The following GPC5 variants were observed in gnomAD, a reference collection of about 807,000 sequenced individuals.
GPC5 encodes the protein glypican 5.
In GPC5, 47 loss-of-function variants were observed where a neutral mutation model predicts 53.9. The ratio of observed to expected loss-of-function variants is 0.87; its 90% CI spans 0.69 to 1.11. The LOEUF is 1.11. Ranked by LOEUF, GPC5 falls within the 50% of genes most tolerant of loss-of-function variation. GPC5 has a pLI of 0.00. For missense variants in GPC5, 748 were observed against 713.1 expected (o/e 1.05, Z -0.56); for synonymous variants, 286 against 263.3 (o/e 1.09, Z -0.84).
intron 5 of GPC5, among the ~76,000 whole-genome samples, chr13:91,784,999 G>A (rs1429189906): frequency 6.6e-6 from 1 of 152,140 alleles, no homozygotes; most frequent in African/African-American, 2.4e-5. Flanking sequence ...TCTAGCAGCA[G>A]CATTTGACAC....
intron 6 of GPC5, among the ~76,000 whole-genome samples, chr13:91,981,347 T>C (rs914210296): frequency 7.3e-5 from 11 of 151,388 alleles, no homozygotes; most frequent in Non-Finnish European, 1.5e-4. Flanking sequence ...TGGAGTGCAG[T>C]GGCGCGATCT....
At chr13:92,798,892 C>A (rs1384780961) in intron 7 of GPC5, among the ~76,000 whole-genome samples, 1 of 151,850 alleles carries the variant, frequency 6.6e-6, no homozygotes, top group Non-Finnish European at 1.5e-5. Context: ...TGATTTGCAA[C>A]AATTGTTCTA....
At chr13:92,452,631 G>C (rs948279280) in intron 7 of GPC5, among the ~76,000 whole-genome samples, 1 of 151,852 alleles carries the variant, frequency 6.6e-6, no homozygotes, top group African/African-American at 2.4e-5. Context: ...GCAGTGGCGC[G>C]ATCTCAGCTC....
chr13:92,488,554 A>T (rs1179243122), intron 7 of GPC5, among the ~76,000 whole-genome samples: 1 of 152,176 alleles, frequency 6.6e-6, no homozygotes, highest in Non-Finnish European at 1.5e-5. Flanking sequence ...AAAGGAAGAC[A>T]TATTTAAGTA....
chr13:91,780,353 C>G (rs1055218215), intron 5 of GPC5, among the ~76,000 whole-genome samples: 1 of 152,134 alleles, frequency 6.6e-6, no homozygotes, highest in African/African-American at 2.4e-5. Context: ...TAGCACCTAC[C>G]TTACAAGAAC....
chr13:91,941,494 G>A (rs1205048893), intron 6 of GPC5, among the ~76,000 whole-genome samples: 22 of 152,044 alleles, frequency 1.4e-4, no homozygotes, highest in Non-Finnish European at 2.9e-4. Context: ...TTAGTTCCTA[G>A]GAACTCTCTC....
intron 7 of GPC5, among the ~76,000 whole-genome samples, chr13:92,640,835 T>C (rs1306755396): frequency 6.6e-6 from 1 of 152,012 alleles, no homozygotes; most frequent in Non-Finnish European, 1.5e-5. Flanking sequence ...AGTAGGATGA[T>C]TAAATGAAGT....
At position 92,866,579 on chromosome 13, in the gene GPC5, G is replaced by A. The variant is rs2138860491; in HGVS notation, c.*140G>A. ...GTTACACTAACTTCTCAGAAGCCAA[G>A]CTGAAATATTCATAAAGTCCCTAAA... On this transcript the variant is annotated 3_prime_UTR_variant, in exon 8 of 8. Transcript: ENST00000377067. 3.1e-6 allele frequency: 2 copies of A among 640,508 alleles called. No individual in the cohort carries two copies. The highest frequency in any genetic ancestry group is 3.9e-5 in the South Asian group (1 of 25,768). 39.7% of individuals were successfully genotyped at this position (640,508 alleles called of 1,614,324 possible).
At chr13:92,328,904 C>A (rs750868368) in intron 7 of GPC5, among the ~76,000 whole-genome samples, 3 of 152,106 alleles carry the variant, frequency 2.0e-5, no homozygotes, top group Non-Finnish European at 4.4e-5. Context: ...TGGCATGGTG[C>A]TTTTCCCTCA....
intron 7 of GPC5, among the ~76,000 whole-genome samples, chr13:92,378,977 A>G (rs2043716737): frequency 6.6e-6 from 1 of 152,216 alleles, no homozygotes; most frequent in East Asian, 1.9e-4. Flanking sequence ...GCCATATGAT[A>G]TGCAGTCATA....
intron 7 of GPC5, among the ~76,000 whole-genome samples, chr13:92,739,037 A>G (rs1231004177): frequency 1.3e-5 from 2 of 152,110 alleles, no homozygotes; most frequent in African/African-American, 2.4e-5. Context: ...TTTGCTGGCT[A>G]TAATCAATTT....
chr13:91,775,625 T>C (rs1357510701), intron 5 of GPC5, among the ~76,000 whole-genome samples: 2 of 152,188 alleles, frequency 1.3e-5, no homozygotes, highest in Non-Finnish European at 2.9e-5. Context: ...AGTTGGAGTT[T>C]TCTCTTCCCA....
chr13:91,424,824 T>C (rs971294530), intron 1 of GPC5, among the ~76,000 whole-genome samples: 4 of 152,152 alleles, frequency 2.6e-5, no homozygotes, highest in Non-Finnish European at 5.9e-5. Flanking sequence ...TTGCTGGAAC[T>C]GAAAGAGAGA....
chr13:91,697,277 G>A (rs984127191), intron 3 of GPC5, among the ~76,000 whole-genome samples: 2 of 152,068 alleles, frequency 1.3e-5, no homozygotes, highest in African/African-American at 2.4e-5. Flanking sequence ...CAAGTAGCTG[G>A]GACTACAGGT....
intron 7 of GPC5, among the ~76,000 whole-genome samples, chr13:92,167,734 C>T (rs2139016442): frequency 6.6e-6 from 1 of 152,276 alleles, no homozygotes; most frequent in Middle Eastern, 3.4e-3. Flanking sequence ...CCAGATCCCA[C>T]TCTACTGGTC....
At chr13:92,748,530 C>T (rs1031293278) in intron 7 of GPC5, among the ~76,000 whole-genome samples, 1 of 151,716 alleles carries the variant, frequency 6.6e-6, no homozygotes, top group African/African-American at 2.4e-5. Flanking sequence ...ACCATCTTGG[C>T]CAGGCTGGTC....
chr13:91,695,577 A>G (rs1239293630), intron 3 of GPC5, among the ~76,000 whole-genome samples: 4 of 151,938 alleles, frequency 2.6e-5, no homozygotes, highest in East Asian at 1.9e-4. Context: ...TGGTTTCACC[A>G]TGTTAGCCAG....
chr13:92,623,879 C>A (rs1402299138), intron 7 of GPC5, among the ~76,000 whole-genome samples: 1 of 144,844 alleles, frequency 6.9e-6, no homozygotes, highest in Non-Finnish European at 1.5e-5. Flanking sequence ...TATTTTGAGA[C>A]AGAGTTTTGC....
intron 6 of GPC5, among the ~76,000 whole-genome samples, chr13:92,083,262 G>A (rs1387114352): frequency 6.6e-6 from 1 of 152,112 alleles, no homozygotes; most frequent in Admixed American, 6.6e-5. Context: ...AAAAGACACT[G>A]CTGGTGTCCA....
Sources: allele counts gnomAD v4.1 joint callset (sites outside exome capture counted in the v4.1 genomes callset), GRCh38; gene constraint gnomAD v4.1.1; transcripts MANE v1.5; gene names NCBI Gene and HGNC (gene_info 2026-07-23, HGNC 2026-07-21).